The following CSNK1G1 variants were observed in gnomAD, a reference collection of about 807,000 sequenced individuals.
The protein encoded by CSNK1G1 is casein kinase 1 gamma 1, also known as casein kinase I isoform gamma-1.
In CSNK1G1, 22 loss-of-function variants were observed where a neutral mutation model predicts 59.6. The ratio of observed to expected loss-of-function variants is 0.37; its 90% CI spans 0.26 to 0.53. The LOEUF (loss-of-function observed/expected upper bound fraction) is 0.53. CSNK1G1 is among the 20% of genes least tolerant of loss of function. The pLI, the probability that CSNK1G1 is intolerant of heterozygous loss-of-function variation, is 0.89. For synonymous variants in CSNK1G1, 179 were observed against 177.1 expected (o/e 1.01, Z -0.08); for missense variants, 384 against 519.5 (o/e 0.74, Z 2.54).
At position 64,259,035 on chromosome 15, in the gene CSNK1G1, T is replaced by C. The variant is rs377156117; in HGVS notation, c.222+166A>G. On this transcript the variant is annotated intron_variant, in intron 3 of 11. Coordinates refer to ENST00000303052, the MANE Select transcript of CSNK1G1 (RefSeq NM_022048.5). ...TATAGTGTTATATAGTATACAGTGA[T>C]TCATCACTGTTAACACTATAAATGA... 8.7e-6 allele frequency: 5 copies of C among 577,212 alleles called. No individual in the cohort carries two copies. The African/African-American group carries it at 9.5e-5, about 11-fold the overall frequency. The allele number at this position is 577,212 out of a possible 1,614,324, so 35.8% of individuals were successfully genotyped here.
intron 4 of CSNK1G1, among the ~76,000 whole-genome samples, chr15:64,229,127 G>T (rs1359388807): frequency 6.6e-6 from 1 of 151,516 alleles, no homozygotes; most frequent in African/African-American, 2.4e-5. Flanking sequence ...ATTAATAGTA[G>T]TATAATAGTA....
At chr15:64,278,754 G>T (rs950472310) in intron 2 of CSNK1G1, among the ~76,000 whole-genome samples, 1 of 152,062 alleles carries the variant, frequency 6.6e-6, no homozygotes, top group Non-Finnish European at 1.5e-5. Flanking sequence ...GTAAAATTAG[G>T]TACTCAACTA....
chr15:64,351,216 G>C (rs1158302646), intron 1 of CSNK1G1, among the ~76,000 whole-genome samples: 1 of 152,070 alleles, frequency 6.6e-6, no homozygotes, highest in Non-Finnish European at 1.5e-5. Flanking sequence ...TGAGTAAAAA[G>C]AAAGCACCGC....
intron 2 of CSNK1G1, among the ~76,000 whole-genome samples, chr15:64,278,412 GTGTGTGTA>G (rs1280221409): frequency 6.2e-4 from 69 of 110,406 alleles, no homozygotes; most frequent in African/African-American, 2.8e-3. Flanking sequence ...GTGTGTGTGT[GTGTGTGTA>G]TATATATATA....
At chr15:64,346,422 T>TTTTATTTATTTA (rs140857936) in intron 1 of CSNK1G1, among the ~76,000 whole-genome samples, 9 of 137,456 alleles carry the variant, frequency 6.5e-5, no homozygotes, top group East Asian at 2.1e-4. Flanking sequence ...GGAAACGAGT[T>TTTTATTTATTTA]TTTATTTATT....
intron 3 of CSNK1G1, 187 bp downstream of exon 3, chr15:64,259,014 G>C: frequency 4.2e-6 from 2 of 473,840 alleles, no homozygotes; most frequent in Non-Finnish European, 7.4e-6. Context: ...TAACTATATA[G>C]TGTTATATAG....
chr15:64,204,095 A>AT (rs1490484701), intron 9 of CSNK1G1, among the ~76,000 whole-genome samples: 1 of 150,852 alleles, frequency 6.6e-6, no homozygotes, highest in Non-Finnish European at 1.5e-5. Context: ...GTGAGCCGAG[A>AT]TTGGCGCCAT....
At position 64,204,442 on chromosome 15, in the gene CSNK1G1, A is replaced by G; in HGVS notation, c.998T>C (p.Ile333Thr). Residue 333 changes from isoleucine (I) to threonine (T), a missense_variant and splice_region_variant, in exon 9 of 12, where the codon ATT becomes ACT. Transcript: ENST00000303052. ...AAAAAAAAAAAAAAGGATACTTACA[A>G]TAGGTCTCCCAACCCAATCATAGGC... ...DYAYDWVGRPIPTPVGSVHVD... is the reference protein window; with the variant it reads ...DYAYDWVGRPTPTPVGSVHVD... The G allele has an allele frequency of 1.3e-6, 2 of 1,578,644 alleles. No homozygotes were observed. The highest frequency in any genetic ancestry group is 1.7e-6 in the Non-Finnish European group (2 of 1,169,676).
chr15:64,172,059 T>C, intron 11 of CSNK1G1, 74 bp from the exon 12 acceptor site: 2 of 1,391,898 alleles, frequency 1.4e-6, no homozygotes, highest in Non-Finnish European at 2.0e-6. Flanking sequence ...TGCTTCTGCT[T>C]ACTGCAGGGG....
At chr15:64,287,075 T>C (rs1462195965) in intron 2 of CSNK1G1, among the ~76,000 whole-genome samples, 2 of 152,188 alleles carry the variant, frequency 1.3e-5, no homozygotes, top group African/African-American at 4.8e-5. Context: ...TGGCTTGTGG[T>C]ATTTCAACTA....
chr15:64,326,912 C>T (rs1877996510), intron 1 of CSNK1G1, among the ~76,000 whole-genome samples: 1 of 150,590 alleles, frequency 6.6e-6, no homozygotes, highest in Non-Finnish European at 1.5e-5. Context: ...AAAGGGGTGA[C>T]GGACGCACCT....
At chr15:64,345,722 A>T (rs995452390) in intron 1 of CSNK1G1, among the ~76,000 whole-genome samples, 52 of 152,108 alleles carry the variant, frequency 3.4e-4, no homozygotes, top group Admixed American at 1.2e-3. Flanking sequence ...TTTAAAAATA[A>T]CTCCCACAGA....
At chr15:64,287,365 C>T (rs937331520) in intron 2 of CSNK1G1, among the ~76,000 whole-genome samples, 9 of 152,070 alleles carry the variant, frequency 5.9e-5, no homozygotes, top group African/African-American at 2.2e-4. Flanking sequence ...AGCCTGGGAC[C>T]ATTCTTGTCT....
chr15:64,273,837 G>C (rs1315622694), intron 2 of CSNK1G1, among the ~76,000 whole-genome samples: 1 of 152,204 alleles, frequency 6.6e-6, no homozygotes, highest in African/African-American at 2.4e-5. Context: ...CAGGCCACAG[G>C]TTGAACAAGC....
intron 10 of CSNK1G1, among the ~76,000 whole-genome samples, chr15:64,183,987 A>T (rs965557752): frequency 6.6e-6 from 1 of 151,638 alleles, no homozygotes; most frequent in Non-Finnish European, 1.5e-5. Flanking sequence ...TCTGGCTGGT[A>T]TTTTTTTTCT....
At chr15:64,202,583 C>G (rs987857275) in intron 10 of CSNK1G1, among the ~76,000 whole-genome samples, 1 of 150,152 alleles carries the variant, frequency 6.7e-6, no homozygotes, top group African/African-American at 2.5e-5. Context: ...GGGTCTCACT[C>G]TATCACTCAG....
Position 64,188,350 on chromosome 15 carries a change from A to G in CSNK1G1, c.1108-7896T>C. On this transcript the variant is annotated intron_variant, in intron 10 of 11. Transcript: ENST00000303052. This position sits in a 1 kb window ranked among gnomAD's most constrained non-coding sequence, Gnocchi z 4.2. ...CACCAGCCAAGCTGGAAAGGCCAGG[A>G]AAAGGCAATAAAGGCAGTAAATACC... 1 of 1,505,594 alleles carries G rather than the reference A, an allele frequency of 6.6e-7. No individual in the cohort carries two copies. Among genetic ancestry groups the G allele is most frequent in the Non-Finnish European group, 8.9e-7 (1 of 1,121,376 alleles). 93.3% of individuals were successfully genotyped at this position (1,505,594 alleles called of 1,614,324 possible).
At chr15:64,229,018 C>G (rs1171711712) in intron 4 of CSNK1G1, among the ~76,000 whole-genome samples, 1 of 65,924 alleles carries the variant, frequency 1.5e-5, no homozygotes, top group Admixed American at 1.6e-4. Context: ...GACTCTGTCT[C>G]AAAAAAAAAA....
rs2082130422 is a variant in CSNK1G1, at chr15:64,203,151, T to TC, written c.1037_1038insG (p.Ser347IlefsTer11). ...TGTGGCTTTCTCGAGTTATTGCAGA[T>TC]GCACCAGAATCTACGTGAACTGACC... On this transcript the variant is annotated frameshift_variant, in exon 10 of 12. Transcript: ENST00000303052. LOFTEE classifies it high-confidence loss of function. The TC allele has an allele frequency of 1.9e-6, 3 of 1,613,986 alleles. No individual in the cohort carries two copies. The African/African-American group carries it at 4.0e-5, about 22-fold the overall frequency.
Sources: gnomAD v4.1 joint callset for allele counts (sites outside exome capture counted in the v4.1 genomes callset) on GRCh38, gnomAD v4.1.1 for gene constraint, Gnocchi (gnomAD v3.1) non-coding constraint, MANE v1.5 for transcripts, NCBI Gene and HGNC (gene_info 2026-07-23, HGNC 2026-07-21) for gene names.